The following SYNCRIP variants were observed in gnomAD, a reference collection of about 807,000 sequenced individuals.
SYNCRIP encodes the protein synaptotagmin binding cytoplasmic RNA interacting protein.
SYNCRIP carries 9 observed loss-of-function variants against 68.9 expected under a neutral mutation model. That is an observed-to-expected ratio of 0.13 (90% CI 0.08 to 0.23). SYNCRIP has a LOEUF of 0.23. Ranked by LOEUF, SYNCRIP falls within the 10% of genes least tolerant of loss-of-function variation. SYNCRIP has a pLI of 1.00. For synonymous variants in SYNCRIP, 258 were observed against 254.0 expected, an observed-to-expected ratio of 1.02 and a Z score of -0.15; for missense variants, 414 against 770.6, an observed-to-expected ratio of 0.54 and a Z score of 5.48.
At chr6:85,612,310 C>T (rs1351197862), downstream of SYNCRIP, 2 of 152,202 alleles carry the variant, frequency 1.3e-5, no homozygotes, top group Non-Finnish European at 2.9e-5. Flanking sequence ...AAAAGAACCA[C>T]TATCTGGAAT....
intron 10 of SYNCRIP, among the ~76,000 whole-genome samples, chr6:85,616,586 G>A (rs776997976): frequency 1.3e-5 from 2 of 149,676 alleles, no homozygotes; most frequent in East Asian, 3.9e-4. Context: ...GGCCTAGAGT[G>A]ATCTGCCCAC....
At chr6:85,613,046 A>C (rs1805368133), downstream of SYNCRIP, 1 of 1,148,042 alleles carries the variant, frequency 8.7e-7, no homozygotes, top group Non-Finnish European at 1.2e-6. Context: ...CTGTCTAGCC[A>C]AAAAAGTTGC....
At chr6:85,612,222 T>G (rs1437525523), downstream of SYNCRIP, 1 of 152,150 alleles carries the variant, frequency 6.6e-6, no homozygotes, top group African/African-American at 2.4e-5. Flanking sequence ...ACAAAGATTT[T>G]CTATGTACAG....
intron 2 of SYNCRIP, among the ~76,000 whole-genome samples, chr6:85,640,847 A>C (rs1809054204): frequency 6.6e-6 from 1 of 152,190 alleles, no homozygotes; most frequent in Non-Finnish European, 1.5e-5. Context: ...ATACAGACTT[A>C]CGAATCCTAG....
Position 85,615,162 on chromosome 6 carries a change from T to C in SYNCRIP, c.1466A>G (p.Glu489Gly). The stretch of plus-strand genomic sequence containing the variant: ...TCCTCTAGCTCCAACTTGAAAATCT[T>C]CATAACCATAGTATGGATCTTCATA... The part of the protein sequence containing the change: ...GGYEDPYYGY[E>G]DFQVGARGRG... The change falls in exon 11 of 11, where the codon GAA (glutamate) becomes GGA (glycine). Residue 489 changes from glutamate to glycine, a missense_variant. By Grantham distance (98) the Glu-to-Gly change is moderately conservative (BLOSUM62 -2). Transcript: ENST00000369622. The C allele has an allele frequency of 6.2e-7, 1 of 1,613,520 alleles. No homozygotes were observed. Among genetic ancestry groups the C allele is most frequent in the Non-Finnish European group, 8.5e-7 (1 of 1,179,942 alleles).
rs1406569050 is a variant in SYNCRIP at position 85,640,460 on chromosome 6, G to A, written c.253C>T (p.Leu85Phe). 6.2e-7 allele frequency: 1 copy of A among 1,604,342 alleles called. No individual in the cohort carries two copies. Among genetic ancestry groups the A allele is most frequent in the East Asian group, 2.2e-5 (1 of 44,750 alleles). ...AVLQQFKDSDLSHVQNKSAFL... is the reference protein window; with the variant it reads ...AVLQQFKDSDFSHVQNKSAFL... ...ATTAACATTACCTGAACATGAGAGA[G>A]ATCACTGTCTTTAAACTGTTGAAGA... is the stretch of plus-strand genomic sequence containing the variant. The change falls in exon 3 of 11, where the codon CTC (leucine) becomes TTC (phenylalanine). Residue 85 changes from leucine (L) to phenylalanine (F), a missense_variant. By Grantham distance (22) the Leu-to-Phe change is conservative. Around this residue, in one of 6 missense-constraint regions of SYNCRIP, gnomAD observed 110 missense variants for 269.3 expected, o/e 0.41. Transcript: ENST00000369622.
At chr6:85,622,443 T>A in intron 8 of SYNCRIP, 39 bp downstream of exon 8, 5 of 1,591,550 alleles carry the variant, frequency 3.1e-6, no homozygotes, top group Non-Finnish European at 4.3e-6. Context: ...CTTCTCCCAT[T>A]AATCCCTCAA....
chr6:85,619,526 G>A, intron 8 of SYNCRIP, 109 bp from the exon 9 acceptor site: 3 of 956,398 alleles, frequency 3.1e-6, no homozygotes, highest in East Asian at 3.0e-5. Context: ...TTAGAAGAAT[G>A]TCAGAATATA....
At chr6:85,626,314 C>A (rs989954013) in intron 6 of SYNCRIP, among the ~76,000 whole-genome samples, 2 of 152,052 alleles carry the variant, frequency 1.3e-5, no homozygotes, top group Admixed American at 1.3e-4. Context: ...GCCTTAGCAA[C>A]AAATCAGTGG....
At chr6:85,638,776 C>T (rs896276613) in intron 4 of SYNCRIP, among the ~76,000 whole-genome samples, 3 of 152,306 alleles carry the variant, frequency 2.0e-5, no homozygotes, top group East Asian at 3.9e-4. Context: ...ATGCTATAAA[C>T]GGATTTTTTA....
At chr6:85,630,330 C>T (rs751605872) in intron 6 of SYNCRIP, among the ~76,000 whole-genome samples, 2 of 152,186 alleles carry the variant, frequency 1.3e-5, no homozygotes, top group Non-Finnish European at 2.9e-5. Flanking sequence ...CACTGCACTC[C>T]AGCCTGGGCA....
chr6:85,637,854 G>GA (rs1158771508), intron 4 of SYNCRIP, among the ~76,000 whole-genome samples: 6 of 151,640 alleles, frequency 4.0e-5, no homozygotes, highest in South Asian at 2.1e-4. Flanking sequence ...GAGCTACAGG[G>GA]AAAAAAAATC....
chr6:85,640,529 T>C lies in SYNCRIP; in HGVS notation c.184A>G (p.Ile62Val). The C allele has an allele frequency of 6.2e-7, 1 of 1,605,442 alleles. No individual in the cohort carries two copies. The highest frequency in any genetic ancestry group is 8.5e-7 in the Non-Finnish European group (1 of 1,177,462). Residue 62 changes from isoleucine to valine, a missense_variant, in exon 3 of 11, where the codon ATT becomes GTT. By Grantham distance (29) the Ile-to-Val change is conservative. Transcript: ENST00000369622. ...TCATTGAATTCTTTTAAAGCTTCAA[T>C]AGCTCTTTCATCTAAATCACTATGT... is the stretch of plus-strand genomic sequence containing the variant. ...VAHSDLDERA[I>V]EALKEFNEDG...
At chr6:85,620,415 G>A (rs2842601) in intron 8 of SYNCRIP, among the ~76,000 whole-genome samples, 39,773 of 152,034 alleles carry the variant, frequency 0.26, 6,496 homozygotes, top group East Asian at 0.39. Context: ...AGAGAAAGAA[G>A]CCAATGTGAA....
At chr6:85,610,614 C>A (rs1430814699), downstream of SYNCRIP, 1 of 152,036 alleles carries the variant, frequency 6.6e-6, no homozygotes, top group Non-Finnish European at 1.5e-5. Context: ...AAAATCCCAA[C>A]AAGTAATTCT....
In SYNCRIP at chr6:85,619,219, A is replaced by T; in HGVS notation, c.1158+49T>A. On this transcript the variant is annotated intron_variant, in intron 9 of 10. Transcript: ENST00000369622. The stretch of plus-strand genomic sequence containing the variant: ...AAAACTATTTTGAGATTCTAAAATG[A>T]CTAAATTTGTTAGTCTGATTTAGAT... 1.9e-6 allele frequency: 3 copies of T among 1,594,170 alleles called. No homozygotes were observed. In the South Asian group the frequency reaches 3.4e-5, roughly 18 times the overall value.
intron 6 of SYNCRIP, among the ~76,000 whole-genome samples, chr6:85,633,182 G>A (rs1324712277): frequency 1.6e-4 from 24 of 151,674 alleles, no homozygotes; most frequent in Admixed American, 1.6e-3. Context: ...CGTGAACCCG[G>A]GAGGCAGAGC....
chr6:85,628,938 T>C (rs1404888995), intron 6 of SYNCRIP, among the ~76,000 whole-genome samples: 2 of 152,200 alleles, frequency 1.3e-5, no homozygotes, highest in Admixed American at 6.5e-5. Flanking sequence ...AGCATACCAC[T>C]ATGGCCTTTC....
At position 85,641,274 on chromosome 6, in the gene SYNCRIP, G is replaced by A. The variant is rs1182810620; in HGVS notation, c.148+18C>T. 1 of 1,585,876 alleles carries A rather than the reference G, an allele frequency of 6.3e-7. No individual in the cohort carries two copies. Among genetic ancestry groups the A allele is most frequent in the Non-Finnish European group, 8.6e-7 (1 of 1,168,282 alleles). On this transcript the variant is annotated intron_variant, in intron 2 of 10. Transcript: ENST00000369622. ...TAGAAAAATTTCATAATGTAATTTT[G>A]CAAGTGTTAGTTCTTACCTGCAACG...
Sources: gnomAD v4.1 joint callset for allele counts (sites outside exome capture counted in the v4.1 genomes callset) on GRCh38, gnomAD v4.1.1 for gene constraint, gnomAD v4.1.1 regional missense constraint, MANE v1.5 for transcripts, NCBI Gene and HGNC (gene_info 2026-07-23, HGNC 2026-07-21) for gene names.